The following GPM6A variants were observed in gnomAD, a reference collection of about 807,000 sequenced individuals.
GPM6A encodes glycoprotein M6A.
Under a neutral mutation model 32.1 loss-of-function variants are expected in GPM6A, and 7 were observed. The ratio of observed to expected loss-of-function variants is 0.22; its 90% CI spans 0.12 to 0.41. The LOEUF is 0.41. Among genes scored for constraint, GPM6A ranks in the 10% least tolerant of loss-of-function variants. The probability of loss-of-function intolerance (pLI) is 1.00; values close to 1 mark genes in which losing one functional copy is unlikely to be tolerated. For synonymous variants in GPM6A, 130 were observed against 123.4 expected, an observed-to-expected ratio of 1.05 and a Z score of -0.35; for missense variants, 235 against 347.2, an observed-to-expected ratio of 0.68 and a Z score of 2.57.
chr4:175,973,651 A>T (rs1444758447), intron 1 of GPM6A, among the ~76,000 whole-genome samples: 2 of 152,218 alleles, frequency 1.3e-5, no homozygotes, highest in Non-Finnish European at 2.9e-5. Context: ...CACTGTTCTG[A>T]AAGAATATTA....
intron 1 of GPM6A, among the ~76,000 whole-genome samples, chr4:175,904,631 T>C (rs904866330): frequency 6.6e-6 from 1 of 152,126 alleles, no homozygotes. Flanking sequence ...GATTTTTTGG[T>C]TTATTATATC....
intron 1 of GPM6A, among the ~76,000 whole-genome samples, chr4:175,780,911 A>C (rs1733590012): frequency 6.6e-6 from 1 of 152,136 alleles, no homozygotes; most frequent in East Asian, 1.9e-4. Context: ...AATTCTGTCT[A>C]CTCAGATTAG....
chr4:175,708,175 G>A (rs909499937), intron 1 of GPM6A, among the ~76,000 whole-genome samples: 4 of 152,060 alleles, frequency 2.6e-5, no homozygotes, highest in Admixed American at 2.6e-4. Flanking sequence ...AGATACTGAA[G>A]AAATATAGGT....
chr4:175,793,390 ATT>A, intron 1 of GPM6A, among the ~76,000 whole-genome samples: 1 of 151,832 alleles, frequency 6.6e-6, no homozygotes. Flanking sequence ...TTATTTATTT[ATT>A]TAGAGATGGT....
At chr4:176,001,425 G>A (rs1006673123) in intron 1 of GPM6A, among the ~76,000 whole-genome samples, 1 of 152,180 alleles carries the variant, frequency 6.6e-6, no homozygotes, top group African/African-American at 2.4e-5. Context: ...CTCCTCCCCA[G>A]CTTCTCCCTC....
intron 3 of GPM6A, among the ~76,000 whole-genome samples, chr4:175,662,555 G>A (rs1168622421): frequency 2.0e-5 from 3 of 151,872 alleles, no homozygotes; most frequent in South Asian, 2.1e-4. Context: ...AGCCGAGATC[G>A]CACCACTGCA....
intron 1 of GPM6A, among the ~76,000 whole-genome samples, chr4:175,878,598 C>A (rs1025882050): frequency 6.6e-6 from 1 of 152,098 alleles, no homozygotes; most frequent in African/African-American, 2.4e-5. Context: ...CAAGACTGCA[C>A]AAAGCAACAA....
intron 1 of GPM6A, among the ~76,000 whole-genome samples, chr4:175,792,811 A>C (rs1369156610): frequency 6.6e-6 from 1 of 152,216 alleles, no homozygotes; most frequent in African/African-American, 2.4e-5. Context: ...TGTATTCATA[A>C]TGCTTTTACT....
At chr4:175,656,019 A>T (rs1172594037) in intron 3 of GPM6A, among the ~76,000 whole-genome samples, 1 of 152,098 alleles carries the variant, frequency 6.6e-6, no homozygotes. Flanking sequence ...CTTTGAACAG[A>T]CACTGAATTT....
chr4:175,971,959 T>C (rs978243458), intron 1 of GPM6A: 3 of 152,210 alleles, frequency 2.0e-5, no homozygotes, highest in African/African-American at 7.2e-5. Context: ...GCTGTCTTAC[T>C]GCTGGGGCAT....
chr4:175,680,134 T>G (rs933627121), intron 2 of GPM6A, among the ~76,000 whole-genome samples: 1 of 152,206 alleles, frequency 6.6e-6, no homozygotes, highest in African/African-American at 2.4e-5. Flanking sequence ...TATATATGTG[T>G]ACATGTATGT....
intron 2 of GPM6A, among the ~76,000 whole-genome samples, chr4:175,694,398 A>G (rs1397446895): frequency 6.6e-6 from 1 of 152,216 alleles, no homozygotes; most frequent in African/African-American, 2.4e-5. Context: ...GATTATGTAC[A>G]GTGAAGTCTA....
At chr4:175,635,101 G>A in intron 6 of GPM6A, 44 bp from the exon 7 acceptor site, 1 of 1,449,258 alleles carries the variant, frequency 6.9e-7, no homozygotes, top group Non-Finnish European at 9.7e-7. Context: ...TTTGTTCAGT[G>A]TCTTCATTAC....
chr4:176,002,160 AG>A, intron 1 of GPM6A: 1 of 887,388 alleles, frequency 1.1e-6, no homozygotes, highest in Non-Finnish European at 1.8e-6. Flanking sequence ...CGGAGACAAG[AG>A]GGCGGGGGGC....
chr4:175,703,459 C>T (rs778724121), intron 1 of GPM6A, among the ~76,000 whole-genome samples: 18 of 152,168 alleles, frequency 1.2e-4, no homozygotes, highest in Non-Finnish European at 1.8e-4. Flanking sequence ...GCATGAGCCA[C>T]CACGCCCAGC....
intron 1 of GPM6A, among the ~76,000 whole-genome samples, chr4:175,728,988 G>T (rs1560900266): frequency 2.6e-5 from 4 of 152,142 alleles, no homozygotes. Context: ...GGCTCTAAGT[G>T]GTTCCCCAGG....
intron 1 of GPM6A, among the ~76,000 whole-genome samples, chr4:175,752,849 C>T (rs184942169): frequency 2.2e-4 from 34 of 152,282 alleles, no homozygotes; most frequent in Admixed American, 1.8e-3. Flanking sequence ...CAGCTTACTT[C>T]ATGAAGCTGT....
intron 2 of GPM6A, among the ~76,000 whole-genome samples, chr4:175,690,341 A>G (rs1744226092): frequency 6.6e-6 from 1 of 152,210 alleles, no homozygotes; most frequent in Admixed American, 6.5e-5. Context: ...CTGTAAAAAT[A>G]CCTGGCAGGA....
intron 1 of GPM6A, among the ~76,000 whole-genome samples, chr4:175,876,275 T>C (rs1737082233): frequency 6.6e-6 from 1 of 152,128 alleles, no homozygotes; most frequent in Non-Finnish European, 1.5e-5. Flanking sequence ...TCATATTAGA[T>C]TTCCAGAATA....
Sources: allele counts gnomAD v4.1 joint callset (sites outside exome capture counted in the v4.1 genomes callset), GRCh38; gene constraint gnomAD v4.1.1; transcripts MANE v1.5; gene names NCBI Gene and HGNC (gene_info 2026-07-23, HGNC 2026-07-21).